The following MIS18A variants were observed in gnomAD, a reference collection of about 807,000 sequenced individuals.
MIS18A encodes protein Mis18-alpha.
Under a neutral mutation model 25.0 loss-of-function variants are expected in MIS18A, and 14 were observed. The observed-to-expected ratio is 0.56, with a 90% confidence interval of 0.37 to 0.88. The LOEUF (loss-of-function observed/expected upper bound fraction) is 0.88, where lower values mean the gene tolerates loss of function less well. Ranked by LOEUF, MIS18A falls within the 40% of genes least tolerant of loss-of-function variation. The pLI is 0.00. For missense variants in MIS18A, 292 were observed against 290.8 expected, an observed-to-expected ratio of 1.00 and a Z score of -0.03; for synonymous variants, 134 against 118.6, an observed-to-expected ratio of 1.13 and a Z score of -0.84.
the MIS18A span, among the ~76,000 whole-genome samples, chr21:32,216,898 T>C: frequency 6.6e-6 from 1 of 152,238 alleles, no homozygotes; most frequent in Non-Finnish European, 1.5e-5. Flanking sequence ...GAGCAGAGCC[T>C]TCAGGGGCCA....
chr21:32,275,730 C>T (rs1399589048), intron 1 of MIS18A, among the ~76,000 whole-genome samples: 1 of 152,090 alleles, frequency 6.6e-6, no homozygotes. Flanking sequence ...CATCTACCTG[C>T]TTGCTGAAAT....
the MIS18A span, among the ~76,000 whole-genome samples, chr21:32,224,226 G>A: frequency 6.7e-6 from 1 of 150,042 alleles, no homozygotes; most frequent in Non-Finnish European, 1.5e-5. Context: ...ACAAGACAGG[G>A]ATGCCCTCTC....
chr21:32,267,485 T>G (rs1194137542), downstream of MIS18A, among the ~76,000 whole-genome samples: 1 of 152,230 alleles, frequency 6.6e-6, no homozygotes, highest in Non-Finnish European at 1.5e-5. Flanking sequence ...ATATTAGAAA[T>G]TACTTTTCAT....
At chr21:32,192,557 G>A in the MIS18A span, among the ~76,000 whole-genome samples, 4 of 152,290 alleles carry the variant, frequency 2.6e-5, no homozygotes, top group South Asian at 2.1e-4. Flanking sequence ...TCCATCATCT[G>A]GTTATGCTAC....
chr21:32,252,203 GAGAAGAAGA>G, the MIS18A span, among the ~76,000 whole-genome samples: 1,269 of 119,120 alleles, frequency 0.011, 42 homozygotes, highest in African/African-American at 0.04. Flanking sequence ...GGAAGAGGAG[GAGAAGAAGA>G]AGAAGAAGAA....
At chr21:32,270,554 T>C in intron 2 of MIS18A, 25 bp from the exon 3 acceptor site, 3 of 1,508,548 alleles carry the variant, frequency 2.0e-6, no homozygotes, top group Non-Finnish European at 2.7e-6. Flanking sequence ...TGTCTTGCTT[T>C]AGGAAACGAA....
At chr21:32,185,542 A>T in the MIS18A span, among the ~76,000 whole-genome samples, 1 of 152,106 alleles carries the variant, frequency 6.6e-6, no homozygotes, top group Non-Finnish European at 1.5e-5. Flanking sequence ...AATAAAAGTG[A>T]TCATGGTTTT....
chr21:32,171,487 T>C, the MIS18A span, among the ~76,000 whole-genome samples: 1 of 152,088 alleles, frequency 6.6e-6, no homozygotes, highest in African/African-American at 2.4e-5. Context: ...TTCTGAGAAA[T>C]GTCTTTAAGA....
In MIS18A at chr21:32,278,977, C is replaced by A. The variant is rs780876771; in HGVS notation, c.38G>T (p.Cys13Phe). 9 of 1,611,184 alleles carry A rather than the reference C, an allele frequency of 5.6e-6. No individual in the cohort carries two copies. The highest frequency in any genetic ancestry group is 2.2e-5 in the East Asian group (1 of 44,858). Residue 13 changes from cysteine (C) to phenylalanine (F), a missense_variant, in exon 1 of 5, where the codon TGC becomes TTC. By Grantham distance (205) the Cys-to-Phe change is radical. Coordinates refer to ENST00000290130, the MANE Select transcript of MIS18A (RefSeq NM_018944.3). ...GTCGCCGCACTCACAGCCGCCAGCG[C>A]ATCCTCTGCTACACCTCAGTGACCG... ...GVRSLRCSRG[C>F]AGGCECGDKG...
chr21:32,169,751 T>C, the MIS18A span, among the ~76,000 whole-genome samples: 4 of 152,112 alleles, frequency 2.6e-5, no homozygotes, highest in African/African-American at 9.7e-5. Context: ...CTCTGTCTAA[T>C]AATCATATGA....
chr21:32,170,845 A>T, the MIS18A span, among the ~76,000 whole-genome samples: 57 of 152,088 alleles, frequency 3.7e-4, no homozygotes, highest in Non-Finnish European at 6.8e-4. Flanking sequence ...ATCAATCAAC[A>T]TAATATACAA....
the MIS18A span, among the ~76,000 whole-genome samples, chr21:32,251,599 A>C: frequency 2.6e-3 from 390 of 152,330 alleles, 2 homozygotes; most frequent in African/African-American, 9.1e-3. Flanking sequence ...ACTTGTGCAT[A>C]TCTCTTCTTG....
chr21:32,154,685 G>A, the MIS18A span, among the ~76,000 whole-genome samples: 1 of 147,768 alleles, frequency 6.8e-6, no homozygotes, highest in African/African-American at 2.5e-5. Flanking sequence ...ACCGACTTTT[G>A]TGTTGCACCA....
At chr21:32,225,334 G>A in the MIS18A span, among the ~76,000 whole-genome samples, 4,344 of 103,894 alleles carry the variant, frequency 0.042, 642 homozygotes, top group Non-Finnish European at 0.051. Flanking sequence ...CTATCAGAGC[G>A]AACAGGCAAC....
chr21:32,268,953 TAG>T lies in MIS18A; in HGVS notation c.*82_*83del. ...AATTTTTTTTTTCTTTTTTTTTTTG[TAG>T]AGACGACGTCTCACTATGTTGCTTC... On this transcript the variant is annotated 3_prime_UTR_variant, in exon 5 of 5. Transcript: ENST00000290130. The T allele has an allele frequency of 1.0e-6, 1 of 954,444 alleles. No individual in the cohort carries two copies. The highest frequency in any genetic ancestry group is 1.5e-6 in the Non-Finnish European group (1 of 646,168). 59.1% of individuals were successfully genotyped at this position (954,444 alleles called of 1,614,324 possible).
intron 2 of MIS18A, among the ~76,000 whole-genome samples, chr21:32,271,299 T>C (rs2031710212): frequency 6.6e-6 from 1 of 152,210 alleles, no homozygotes; most frequent in African/African-American, 2.4e-5. Flanking sequence ...ATCACAGTAG[T>C]AAAACATACA....
At chr21:32,170,577 A>G in the MIS18A span, among the ~76,000 whole-genome samples, 1 of 151,932 alleles carries the variant, frequency 6.6e-6, no homozygotes, top group Non-Finnish European at 1.5e-5. Context: ...ATCCATTGGA[A>G]GGACATAAGG....
the MIS18A span, among the ~76,000 whole-genome samples, chr21:32,221,505 G>A: frequency 3.9e-5 from 6 of 152,002 alleles, no homozygotes; most frequent in African/African-American, 1.4e-4. Flanking sequence ...AGGAAAAACC[G>A]GTACCAGCCA....
At chr21:32,220,455 G>A in the MIS18A span, among the ~76,000 whole-genome samples, 181 of 152,244 alleles carry the variant, frequency 1.2e-3, 1 homozygote, top group Non-Finnish European at 2.1e-3. Flanking sequence ...GGACGCCCAC[G>A]CAAAAACCCC....
Sources: allele counts gnomAD v4.1 joint callset (sites outside exome capture counted in the v4.1 genomes callset), GRCh38; gene constraint gnomAD v4.1.1; transcripts MANE v1.5; gene names NCBI Gene and HGNC (gene_info 2026-07-23, HGNC 2026-07-21).